The following KAZN variants were observed in gnomAD, a reference collection of about 807,000 sequenced individuals.
The protein encoded by KAZN is kazrin.
In KAZN, 40 loss-of-function variants were observed where a neutral mutation model predicts 87.4. The observed-to-expected ratio is 0.46, with a 90% CI of 0.36 to 0.60. KAZN has a LOEUF of 0.60. KAZN is among the 20% of genes least tolerant of loss of function. The pLI is 0.00. For missense variants in KAZN, 898 were observed against 1,073.9 expected (o/e 0.84, Z 2.29); for synonymous variants, 466 against 458.3 (o/e 1.02, Z -0.22).
chr1:13,955,450 T>A (rs1177095127), intron 1 of KAZN, among the ~76,000 whole-genome samples: 1 of 152,120 alleles, frequency 6.6e-6, no homozygotes, highest in Non-Finnish European at 1.5e-5. Context: ...ATTATTTTTT[T>A]AAAGTATATT....
At chr1:14,749,324 A>G (rs1211522963) in intron 1 of KAZN, among the ~76,000 whole-genome samples, 2 of 152,194 alleles carry the variant, frequency 1.3e-5, no homozygotes, top group Admixed American at 6.5e-5. Context: ...TTTCTCCCAT[A>G]CTACCATAAA....
intron 13 of KAZN, among the ~76,000 whole-genome samples, chr1:15,109,579 A>G (rs1283431666): frequency 6.6e-6 from 1 of 151,708 alleles, no homozygotes; most frequent in East Asian, 1.9e-4. Flanking sequence ...CTTAATGTTT[A>G]TGTGTGTGTA....
At chr1:14,354,472 G>A (rs902802166) in intron 2 of KAZN, among the ~76,000 whole-genome samples, 1 of 152,008 alleles carries the variant, frequency 6.6e-6, no homozygotes, top group Non-Finnish European at 1.5e-5. Context: ...GTAATAAAAA[G>A]AAAACAACCC....
chr1:14,546,232 ACT>A (rs1384497728), intron 2 of KAZN, among the ~76,000 whole-genome samples: 2 of 152,160 alleles, frequency 1.3e-5, no homozygotes, highest in Non-Finnish European at 2.9e-5. Flanking sequence ...TATAATACAC[ACT>A]GTCAATAGCC....
intron 1 of KAZN, among the ~76,000 whole-genome samples, chr1:13,990,694 G>GA (rs1026534798): frequency 6.6e-6 from 1 of 152,092 alleles, no homozygotes; most frequent in Non-Finnish European, 1.5e-5. Context: ...TACCTCAAAA[G>GA]AAAAAAATCT....
At chr1:14,303,351 C>G (rs1204442960) in intron 2 of KAZN, among the ~76,000 whole-genome samples, 2 of 152,162 alleles carry the variant, frequency 1.3e-5, no homozygotes, top group Non-Finnish European at 2.9e-5. Context: ...TCAAGTGATT[C>G]TCATGCCTCA....
At chr1:14,984,556 C>T (rs1666582493) in intron 2 of KAZN, among the ~76,000 whole-genome samples, 1 of 151,814 alleles carries the variant, frequency 6.6e-6, no homozygotes, top group South Asian at 2.1e-4. Flanking sequence ...AAGTCATAAC[C>T]ATAGAAAGAA....
chr1:15,050,165 GAATAGAATAGAATAGA>G (rs1557757091), intron 4 of KAZN, among the ~76,000 whole-genome samples: 569 of 53,764 alleles, frequency 0.011, 7 homozygotes, highest in Admixed American at 0.02. Context: ...GAATGGAATA[GAATAGAATAGAATAGA>G]ATAGAATAGA....
intron 8 of KAZN, among the ~76,000 whole-genome samples, chr1:15,070,713 C>T (rs1033103638): frequency 3.9e-5 from 6 of 152,206 alleles, no homozygotes; most frequent in Non-Finnish European, 8.8e-5. Context: ...TGGTGGCACA[C>T]GCCTGTAGTC....
At chr1:14,952,816 A>G (rs1185184066) in intron 1 of KAZN, among the ~76,000 whole-genome samples, 1 of 152,196 alleles carries the variant, frequency 6.6e-6, no homozygotes, top group Non-Finnish European at 1.5e-5. Context: ...AAGATCAAGG[A>G]GGTTTGCCCT....
At chr1:14,512,798 A>C (rs139275930) in intron 2 of KAZN, among the ~76,000 whole-genome samples, 25 of 152,266 alleles carry the variant, frequency 1.6e-4, no homozygotes, top group Admixed American at 1.2e-3. Flanking sequence ...TCTCATTCCT[A>C]TTCATGGCAG....
At chr1:14,345,057 T>C (rs2100920025) in intron 2 of KAZN, among the ~76,000 whole-genome samples, 1 of 152,200 alleles carries the variant, frequency 6.6e-6, no homozygotes, top group South Asian at 2.1e-4. Context: ...TAGCTGGGAT[T>C]ACAGGCACCC....
chr1:14,207,543 G>C (rs1646770324), intron 2 of KAZN, among the ~76,000 whole-genome samples: 1 of 152,166 alleles, frequency 6.6e-6, no homozygotes, highest in South Asian at 2.1e-4. Context: ...CACCTATTTT[G>C]TCTTTATTTC....
In KAZN at chr1:14,148,388, G is replaced by A. The variant is rs377303786; in HGVS notation, c.92-32047G>A. On this transcript the variant is annotated intron_variant, in intron 1 of 16. Coordinates refer to the KAZN transcript ENST00000636203. ...TTCTGAACTTTTTGTTTTACTTGCC[G>A]GATGATACTCTCAAATTTAACAACT... is the stretch of plus-strand genomic sequence containing the variant. Among the ~76,000 whole-genome samples the A allele has an allele frequency of 1.7e-3, 261 of 151,732 alleles. 2 individuals are homozygous for A. The highest frequency in any genetic ancestry group is 6.2e-3 in the African/African-American group (255 of 41,362).
At chr1:13,920,505 G>C (rs1209370040) in intron 1 of KAZN, among the ~76,000 whole-genome samples, 1 of 152,050 alleles carries the variant, frequency 6.6e-6, no homozygotes, top group Non-Finnish European at 1.5e-5. Flanking sequence ...CATGTTGTAA[G>C]AGTTAAAGAA....
intron 2 of KAZN, among the ~76,000 whole-genome samples, chr1:14,530,167 C>A (rs1488213272): frequency 1.3e-5 from 2 of 152,104 alleles, no homozygotes; most frequent in Non-Finnish European, 2.9e-5. Flanking sequence ...TCCCCCAGTG[C>A]CAGGAGGGCA....
intron 2 of KAZN, among the ~76,000 whole-genome samples, chr1:14,261,109 A>G (rs1007060468): frequency 1.9e-4 from 29 of 152,336 alleles, no homozygotes; most frequent in Middle Eastern, 3.4e-3. Context: ...AACTATTCAA[A>G]GGATCAGTTC....
chr1:14,450,044 C>T, intron 2 of KAZN, among the ~76,000 whole-genome samples: 1 of 152,136 alleles, frequency 6.6e-6, no homozygotes, highest in East Asian at 1.9e-4. Flanking sequence ...AATTTGCTCA[C>T]CCTGTGCAAA....
At chr1:14,232,586 C>T (rs4478803) in intron 2 of KAZN, among the ~76,000 whole-genome samples, 5,622 of 152,210 alleles carry the variant, frequency 0.037, 309 homozygotes, top group East Asian at 0.29. Context: ...AGCTCCTTAT[C>T]CCAGCTGATA....
Sources: gnomAD v4.1 joint callset for allele counts (sites outside exome capture counted in the v4.1 genomes callset) on GRCh38, gnomAD v4.1.1 for gene constraint, MANE v1.5 for transcripts, NCBI Gene and HGNC (gene_info 2026-07-23, HGNC 2026-07-21) for gene names.